Variants in KCTD20 observed in about 807,000 individuals in gnomAD.
KCTD20 encodes potassium channel tetramerization domain containing 20, also known as BTB/POZ domain-containing protein KCTD20.
KCTD20 carries 30 observed loss-of-function variants against 39.6 expected under a neutral mutation model. That is an observed-to-expected ratio of 0.76 (90% CI 0.57 to 1.03). KCTD20 has a LOEUF of 1.03. Ranked by LOEUF, KCTD20 falls within the 50% of genes least tolerant of loss-of-function variation. The pLI is 0.00. For missense variants in KCTD20, 422 were observed against 522.0 expected (o/e 0.81, Z 1.87); for synonymous variants, 162 against 180.6 (o/e 0.90, Z 0.83).
rs58609674 is a variant in KCTD20 at position 36,479,779 on chromosome 6, A to ATT, written c.658+97_658+98dup. The ATT allele has an allele frequency of 6.0e-3, 1,599 of 267,386 alleles. 20 individuals carry two copies. The highest frequency in any genetic ancestry group is 0.014 in the South Asian group (529 of 37,252). The allele number at this position is 267,386 out of a possible 1,614,324, so 16.6% of individuals were successfully genotyped here. On this transcript the variant is annotated intron_variant, in intron 5 of 7. Transcript: ENST00000373731. ...CTTTCAGTTTTCTTGGAAGTCACCG[A>ATT]TTTTTTTTTTTTTTTTTTTTTTTTT...
At chr6:36,459,298 G>A (rs750333597) in intron 1 of KCTD20, among the ~76,000 whole-genome samples, 2 of 152,062 alleles carry the variant, frequency 1.3e-5, no homozygotes, top group African/African-American at 2.4e-5. Flanking sequence ...GCAACAGAGC[G>A]AGACTCCGTC....
Position 36,448,005 on chromosome 6 carries a change from ATG to A in KCTD20, c.-47+4904_-47+4905del, listed in dbSNP as rs771457738. ...GATCCTGTCTCCAAAATATATGTGT[ATG>A]TGTGTGTGTATATATATATATATAT... On this transcript the variant is annotated intron_variant, in intron 1 of 7. Coordinates refer to ENST00000373731, the MANE Select transcript of KCTD20 (RefSeq NM_173562.5). Among the ~76,000 whole-genome samples the A allele has an allele frequency of 4.6e-3, 595 of 130,202 alleles. 9 individuals are homozygous for A. Among genetic ancestry groups the A allele is most frequent in the African/African-American group, 0.016 (510 of 31,156 alleles). The allele number at this position is 130,202 out of a possible 152,430, so 85.4% of individuals were successfully genotyped here.
Position 36,488,764 on chromosome 6 carries a change from A to G in KCTD20, c.*1589A>G, listed in dbSNP as rs962925301. The G allele has an allele frequency of 2.0e-5, 3 of 152,498 alleles. No individual in the cohort carries two copies. Among genetic ancestry groups the G allele is most frequent in the African/African-American group, 7.2e-5 (3 of 41,458 alleles). The allele number at this position is 152,498 out of a possible 1,614,324, so 9.4% of individuals were successfully genotyped here. ...TTTAATGACTGTCCTAGTCATAATC[A>G]TCCAAAGATAAAAGCCAGGTAGATG... On this transcript the variant is annotated 3_prime_UTR_variant, in exon 8 of 8. Transcript: ENST00000373731.
At chr6:36,446,171 CGCCCGCTACCATGCCCG>C (rs984572741) in intron 1 of KCTD20, among the ~76,000 whole-genome samples, 1 of 151,696 alleles carries the variant, frequency 6.6e-6, no homozygotes, top group Non-Finnish European at 1.5e-5. Flanking sequence ...GGATTACAGG[CGCCCGCTACCATGCCCG>C]GCTAATTTTT....
chr6:36,484,927 A>C (rs1582377817), intron 7 of KCTD20, 103 bp downstream of exon 7: 1 of 629,588 alleles, frequency 1.6e-6, no homozygotes, highest in South Asian at 2.1e-5. Context: ...ATAGGCATAC[A>C]TGAAAACCAC....
rs1257694762 is a variant in KCTD20, at chr6:36,487,156, C to G, written c.1241C>G (p.Ser414Cys). The G allele has an allele frequency of 1.9e-6, 3 of 1,613,178 alleles. No individual in the cohort carries two copies. Among genetic ancestry groups the G allele is most frequent in the Non-Finnish European group, 2.5e-6 (3 of 1,179,354 alleles). ...AATGCCCCACTTTCTCAGATGGCTT[C>G]TAACGACTTTCAGGATTAGGGCCAG... ...RLNAPLSQMA[S>C]NDFQD Residue 414 changes from serine to cysteine, a missense_variant, in exon 8 of 8, where the codon TCT (serine) becomes TGT (cysteine). Physicochemically the swap from Ser to Cys is moderately radical, Grantham distance 112. Coordinates refer to ENST00000373731, the MANE Select transcript of KCTD20 (RefSeq NM_173562.5).
intron 1 of KCTD20, among the ~76,000 whole-genome samples, chr6:36,453,838 T>C (rs1233909109): frequency 6.6e-6 from 1 of 152,212 alleles, no homozygotes; most frequent in Non-Finnish European, 1.5e-5. Context: ...GCTATAAATT[T>C]TCCTTTGTGC....
At position 36,487,246 on chromosome 6, in the gene KCTD20, G is replaced by A. The variant is rs1411348973; in HGVS notation, c.*71G>A. 2 of 1,487,224 alleles carry A rather than the reference G, an allele frequency of 1.3e-6. No homozygotes were observed. The highest frequency in any genetic ancestry group is 1.4e-5 in the African/African-American group (1 of 71,740). 92.1% of individuals were successfully genotyped at this position (1,487,224 alleles called of 1,614,324 possible). On this transcript the variant is annotated 3_prime_UTR_variant, in exon 8 of 8. Coordinates refer to ENST00000373731, the MANE Select transcript of KCTD20 (RefSeq NM_173562.5). ...ATGCCTGCAGCCAGCCCTCCCTCGTGATTTGTCTCACCTTGAGTAGGAGAC... is the reference window on the plus strand; with the variant it reads ...ATGCCTGCAGCCAGCCCTCCCTCGTAATTTGTCTCACCTTGAGTAGGAGAC...
intron 3 of KCTD20, among the ~76,000 whole-genome samples, chr6:36,475,749 T>TAAAA (rs75494594): frequency 4.4e-5 from 6 of 135,210 alleles, no homozygotes; most frequent in African/African-American, 1.5e-4. Context: ...GCTCCCTTTT[T>TAAAA]AAAAAAAAAA....
intron 7 of KCTD20, among the ~76,000 whole-genome samples, chr6:36,485,051 G>C (rs931596598): frequency 2.6e-5 from 4 of 152,172 alleles, no homozygotes; most frequent in African/African-American, 7.2e-5. Flanking sequence ...TACTACTTCA[G>C]GATAAAGAGC....
intron 1 of KCTD20, among the ~76,000 whole-genome samples, chr6:36,450,114 A>G (rs376028029): frequency 6.3e-5 from 9 of 142,098 alleles, no homozygotes; most frequent in African/African-American, 2.1e-4. Flanking sequence ...CAGTGAGCCG[A>G]GATTGCGCCA....
chr6:36,464,725 T>C (rs1775692397), intron 1 of KCTD20, among the ~76,000 whole-genome samples: 1 of 152,166 alleles, frequency 6.6e-6, no homozygotes, highest in Admixed American at 6.5e-5. Flanking sequence ...AGCAGAGTTC[T>C]CATTAGCATG....
At chr6:36,479,760 G>A (rs776511308) in intron 5 of KCTD20, 49 bp downstream of exon 5, 1 of 616,398 alleles carries the variant, frequency 1.6e-6, no homozygotes, top group South Asian at 1.8e-5. Flanking sequence ...TGAACTTTCA[G>A]TTTTCTTGGA....
intron 1 of KCTD20, among the ~76,000 whole-genome samples, chr6:36,454,918 G>A (rs1775385910): frequency 6.6e-6 from 1 of 151,904 alleles, no homozygotes; most frequent in Admixed American, 6.6e-5. Context: ...AAAGTGCTAG[G>A]ATTACAGGCA....
At chr6:36,486,329 C>A (rs757795883) in intron 7 of KCTD20, among the ~76,000 whole-genome samples, 7 of 152,238 alleles carry the variant, frequency 4.6e-5, no homozygotes, top group Non-Finnish European at 8.8e-5. Flanking sequence ...TTCTGCCATA[C>A]ATATTTAATA....
chr6:36,460,814 G>A (rs961373386), intron 1 of KCTD20, among the ~76,000 whole-genome samples: 1 of 152,062 alleles, frequency 6.6e-6, no homozygotes, highest in Admixed American at 6.6e-5. Context: ...AAATTTTGAA[G>A]TGATTTATAC....
rs117776433 is a variant in KCTD20, at chr6:36,484,560, C to T, written c.857-154C>T. Among the ~76,000 whole-genome samples the T allele has an allele frequency of 6.4e-3, 969 of 152,186 alleles. 12 individuals carry two copies. The highest frequency in any genetic ancestry group is 0.037 in the Middle Eastern group (11 of 294). On this transcript the variant is annotated intron_variant, in intron 6 of 7. Coordinates refer to ENST00000373731, the MANE Select transcript of KCTD20 (RefSeq NM_173562.5). ...CCTGAGACTATAAAAATTTCTCTTA[C>T]GGTTTATGTATTATTTAACATTTAA... is the stretch of plus-strand genomic sequence containing the variant.
In KCTD20 at chr6:36,487,703, C is replaced by G. The variant is rs1561963241; in HGVS notation, c.*528C>G. 1 of 153,048 alleles carries G rather than the reference C, an allele frequency of 6.5e-6. No individual in the cohort carries two copies. The highest frequency in any genetic ancestry group is 1.5e-5 in the Non-Finnish European group (1 of 68,432). 9.5% of individuals were successfully genotyped at this position (153,048 alleles called of 1,614,324 possible). On this transcript the variant is annotated 3_prime_UTR_variant, in exon 8 of 8. Coordinates refer to ENST00000373731, the MANE Select transcript of KCTD20 (RefSeq NM_173562.5). ...GCACCCAAATTGCATCTGGAAAGAA[C>G]TAGGGTCTCATTCAGAATGTCCAAA...
chr6:36,450,143 A>G (rs9296183), intron 1 of KCTD20, among the ~76,000 whole-genome samples: 50,840 of 138,318 alleles, frequency 0.37, 10,092 homozygotes, highest in East Asian at 0.54. Flanking sequence ...CAGCCTGGGC[A>G]ACAGAGTGAG....
Sources: gnomAD v4.1 joint callset for allele counts (sites outside exome capture counted in the v4.1 genomes callset) on GRCh38, gnomAD v4.1.1 for gene constraint, MANE v1.5 for transcripts, NCBI Gene and HGNC (gene_info 2026-07-23, HGNC 2026-07-21) for gene names.